The following MGAT4C variants were observed in gnomAD, a reference collection of about 807,000 sequenced individuals.
MGAT4C encodes MGAT4 family member C.
In MGAT4C, 19 loss-of-function variants were observed where a neutral mutation model predicts 40.1. The observed-to-expected ratio is 0.47, with a 90% CI of 0.33 to 0.70. The LOEUF is 0.70. MGAT4C is among the 30% of genes least tolerant of loss of function. The pLI, the probability that MGAT4C is intolerant of heterozygous loss-of-function variation, is 0.02. For synonymous variants in MGAT4C, 181 were observed against 187.1 expected (o/e 0.97, Z 0.27); for missense variants, 491 against 563.2 (o/e 0.87, Z 1.30).
At chr12:86,700,598 A>G (rs939413428) in intron 2 of MGAT4C, among the ~76,000 whole-genome samples, 1 of 152,148 alleles carries the variant, frequency 6.6e-6, no homozygotes, top group African/African-American at 2.4e-5. Flanking sequence ...CGTATGTATT[A>G]TAGTGGGTGC....
At chr12:86,511,179 T>C (rs1278315892) in intron 2 of MGAT4C, among the ~76,000 whole-genome samples, 4 of 151,916 alleles carry the variant, frequency 2.6e-5, no homozygotes, top group Non-Finnish European at 5.9e-5. Flanking sequence ...AACTCAGGAT[T>C]AAGAATCTCA....
chr12:86,280,075 T>C (rs1953175651), intron 4 of MGAT4C, among the ~76,000 whole-genome samples: 1 of 152,120 alleles, frequency 6.6e-6, no homozygotes. Context: ...ATGATCTATG[T>C]GCTTAGGAGA....
intron 3 of MGAT4C, among the ~76,000 whole-genome samples, chr12:86,382,676 G>A (rs368797177): frequency 1.1e-4 from 17 of 152,284 alleles, no homozygotes; most frequent in Middle Eastern, 3.4e-3. Context: ...CAGGGTCCCC[G>A]TGCTGTGTGC....
At chr12:86,541,022 C>A (rs1186305664) in intron 2 of MGAT4C, among the ~76,000 whole-genome samples, 1 of 152,052 alleles carries the variant, frequency 6.6e-6, no homozygotes, top group East Asian at 1.9e-4. Context: ...CAGATTGAAA[C>A]AGGAAGGTTG....
intron 1 of MGAT4C, among the ~76,000 whole-genome samples, chr12:86,120,684 T>C (rs543768373): frequency 3.4e-4 from 52 of 152,318 alleles, no homozygotes; most frequent in Admixed American, 7.2e-4. Context: ...GGATCCTGAC[T>C]GTTAGAAGGA....
chr12:86,248,663 GAC>G lies in MGAT4C; in HGVS notation c.-57+7574_-57+7575del, dbSNP rs369016208. 3.5e-3 allele frequency among the ~76,000 whole-genome samples: 540 copies of G among 152,154 alleles called. 3 individuals carry two copies. The highest frequency in any genetic ancestry group is 0.013 in the African/African-American group (526 of 41,518). On this transcript the variant is annotated intron_variant, in intron 1 of 4. Coordinates refer to ENST00000611864, the MANE Select transcript of MGAT4C (RefSeq NM_001351288.2). ...CCTATTGCCTGTTGTGCTCTGCTAT[GAC>G]ACACATTTTCTTGATACACCACCAC...
At chr12:86,472,080 C>T (rs538689296) in intron 2 of MGAT4C, among the ~76,000 whole-genome samples, 36 of 152,054 alleles carry the variant, frequency 2.4e-4, no homozygotes, top group Non-Finnish European at 4.0e-4. Context: ...TTTACCTCTT[C>T]GTAAAGTTAA....
chr12:86,453,656 T>C (rs1484709013), intron 2 of MGAT4C, among the ~76,000 whole-genome samples: 1 of 152,190 alleles, frequency 6.6e-6, no homozygotes, highest in African/African-American at 2.4e-5. Flanking sequence ...GGTCTTCATG[T>C]TTGCCTCTTG....
At chr12:86,060,241 G>T (rs1335693174) in intron 1 of MGAT4C, among the ~76,000 whole-genome samples, 1 of 152,048 alleles carries the variant, frequency 6.6e-6, no homozygotes, top group Non-Finnish European at 1.5e-5. Context: ...AAAGGATAAA[G>T]AATTGTTTTT....
intron 3 of MGAT4C, among the ~76,000 whole-genome samples, chr12:86,409,350 T>C (rs1357900721): frequency 6.6e-6 from 1 of 152,156 alleles, no homozygotes; most frequent in Non-Finnish European, 1.5e-5. Flanking sequence ...TGATAATGCA[T>C]TGGCATTTAT....
At chr12:86,543,361 A>G (rs1472691601) in intron 2 of MGAT4C, among the ~76,000 whole-genome samples, 1 of 151,676 alleles carries the variant, frequency 6.6e-6, no homozygotes, top group Non-Finnish European at 1.5e-5. Context: ...TTAAACCTTG[A>G]AACATTCCAG....
chr12:86,315,589 C>G (rs1209021647), intron 4 of MGAT4C, among the ~76,000 whole-genome samples: 1 of 152,054 alleles, frequency 6.6e-6, no homozygotes, highest in African/African-American at 2.4e-5. Flanking sequence ...GCCTGTAGTC[C>G]CAGCAGCTCT....
rs796848534 is a variant in MGAT4C, at chr12:86,581,568, T to A, written c.-229+145641A>T. On this transcript the variant is annotated intron_variant, in intron 2 of 7. Coordinates refer to the MGAT4C transcript ENST00000548651. ...CTAATATGATCTTTTCATAAGTGAG[T>A]GAGTAGTCTTGGCCAGTCTGCTTAA... is the stretch of plus-strand genomic sequence containing the variant. Among the ~76,000 whole-genome samples, 12 of 151,462 alleles carry A rather than the reference T, an allele frequency of 7.9e-5. 1 individual carries two copies. Among genetic ancestry groups the A allele is most frequent in the African/African-American group, 2.7e-4 (11 of 41,426 alleles).
At chr12:85,983,407 A>G in intron 4 of MGAT4C, 116 bp downstream of exon 4, 5 of 1,020,092 alleles carry the variant, frequency 4.9e-6, no homozygotes, top group Non-Finnish European at 4.0e-6. Context: ...GTTTTGCCCA[A>G]ATAATTTATT....
chr12:86,693,208 G>A (rs948326721), intron 2 of MGAT4C, among the ~76,000 whole-genome samples: 4 of 152,140 alleles, frequency 2.6e-5, no homozygotes, highest in South Asian at 2.1e-4. Context: ...TGGAAGGTGC[G>A]TTAGAGTATC....
intron 1 of MGAT4C, among the ~76,000 whole-genome samples, chr12:86,228,443 G>T (rs918825271): frequency 1.3e-5 from 2 of 151,736 alleles, no homozygotes; most frequent in Non-Finnish European, 1.5e-5. Context: ...ATTTATCTAA[G>T]CCAGTGGAAT....
intron 2 of MGAT4C, among the ~76,000 whole-genome samples, chr12:86,613,333 T>C (rs1962346609): frequency 6.6e-6 from 1 of 152,204 alleles, no homozygotes; most frequent in Non-Finnish European, 1.5e-5. Flanking sequence ...AAATTACACT[T>C]GTATTATTCA....
In MGAT4C at chr12:85,975,149, TAGAA is replaced by T. The variant is rs1048182509; in HGVS notation, c.*4136_*4139del. On this transcript the variant is annotated 3_prime_UTR_variant, in exon 5 of 5. Coordinates refer to ENST00000611864, the MANE Select transcript of MGAT4C (RefSeq NM_001351288.2). ...TGATAAGGTTTCTAGAGTAATAAAT[TAGAA>T]TGACAGGAATATATATTGATTTTAG... 1 of 150,898 alleles carries T rather than the reference TAGAA, an allele frequency of 6.6e-6. No homozygotes were observed. The highest frequency in any genetic ancestry group is 2.4e-5 in the African/African-American group (1 of 41,316). 9.3% of individuals were successfully genotyped at this position (150,898 alleles called of 1,614,324 possible). A position where few individuals can be genotyped will look rare whatever the true frequency, so the allele number is the denominator to read the frequency against.
intron 2 of MGAT4C, among the ~76,000 whole-genome samples, chr12:86,506,488 T>C (rs1189900439): frequency 6.6e-6 from 1 of 152,192 alleles, no homozygotes; most frequent in African/African-American, 2.4e-5. Flanking sequence ...TTGAATGATT[T>C]AAAATTTACA....
Sources: gnomAD v4.1 joint callset for allele counts (sites outside exome capture counted in the v4.1 genomes callset) on GRCh38, gnomAD v4.1.1 for gene constraint, MANE v1.5 for transcripts, NCBI Gene and HGNC (gene_info 2026-07-23, HGNC 2026-07-21) for gene names.